SBF2: variants seen among roughly 807,000 people sequenced by gnomAD.
SBF2 encodes myotubularin-related protein 13.
A neutral mutation model predicts 225.2 loss-of-function variants in SBF2; 112 were observed. The observed-to-expected ratio is 0.50, with a 90% confidence interval of 0.43 to 0.58. The LOEUF is 0.58. Ranked by LOEUF, SBF2 falls within the 20% of genes least tolerant of loss-of-function variation. The pLI is 0.00. For missense variants in SBF2, 1,996 were observed against 2,206.2 expected (o/e 0.90, Z 1.91); for synonymous variants, 763 against 773.3 (o/e 0.99, Z 0.22).
chr11:9,861,428 C>A (rs571033377), intron 17 of SBF2, among the ~76,000 whole-genome samples: 2 of 152,294 alleles, frequency 1.3e-5, no homozygotes, highest in African/African-American at 4.8e-5. Flanking sequence ...CTTTGGGAGG[C>A]TGAGACAGGC....
chr11:10,216,460 G>A (rs1351809618), intron 1 of SBF2, among the ~76,000 whole-genome samples: 6 of 152,194 alleles, frequency 3.9e-5, no homozygotes, highest in Non-Finnish European at 5.9e-5. Flanking sequence ...CCTCTCTAAT[G>A]TAACTAGTTT....
chr11:10,266,422 C>T (rs1961994662), intron 1 of SBF2, among the ~76,000 whole-genome samples: 1 of 152,194 alleles, frequency 6.6e-6, no homozygotes, highest in Non-Finnish European at 1.5e-5. Flanking sequence ...TGCAGGACAA[C>T]AGGACCCAGG....
At chr11:9,973,797 A>G (rs1177028789) in intron 13 of SBF2, among the ~76,000 whole-genome samples, 4 of 152,210 alleles carry the variant, frequency 2.6e-5, no homozygotes, top group Admixed American at 6.5e-5. Context: ...CCAAACCCCA[A>G]TGGAAATTCA....
chr11:10,032,040 G>A (rs1252558294), intron 3 of SBF2, among the ~76,000 whole-genome samples: 6 of 152,190 alleles, frequency 3.9e-5, no homozygotes, highest in Non-Finnish European at 7.3e-5. Flanking sequence ...ATGCTTGGCT[G>A]AGAGAACATT....
chr11:10,083,749 A>G (rs887011251), intron 2 of SBF2, among the ~76,000 whole-genome samples: 1 of 152,180 alleles, frequency 6.6e-6, no homozygotes, highest in Non-Finnish European at 1.5e-5. Context: ...AGACTTAAAT[A>G]TAAGACCTGA....
intron 16 of SBF2, chr11:9,915,534 A>T (rs966942379): frequency 2.6e-5 from 4 of 151,926 alleles, no homozygotes; most frequent in Admixed American, 6.6e-5. Flanking sequence ...CCATGAAGAG[A>T]TAACATTAAT....
At chr11:9,873,762 T>C (rs2134058536) in intron 17 of SBF2, among the ~76,000 whole-genome samples, 1 of 152,268 alleles carries the variant, frequency 6.6e-6, no homozygotes, top group African/African-American at 2.4e-5. Context: ...AAAGAGCATA[T>C]TTCTGGCCGG....
rs1034405947 is a variant in SBF2, at chr11:10,269,332, T to G, written c.55+24683A>C. ...CCTTAGTCATCCTAGTGGGAAAAGA[T>G]AGGCGTGCCAGTTTGTTCCAAAAGA... On this transcript the variant is annotated intron_variant, in intron 1 of 39. Transcript: ENST00000256190. 2.0e-5 allele frequency among the ~76,000 whole-genome samples: 3 copies of G among 152,182 alleles called. No individual in the cohort carries two copies. The East Asian group carries it at 5.8e-4, about 29-fold the overall frequency.
At chr11:10,228,902 C>G (rs1176568751) in intron 1 of SBF2, among the ~76,000 whole-genome samples, 1 of 151,874 alleles carries the variant, frequency 6.6e-6, no homozygotes, top group African/African-American at 2.4e-5. Flanking sequence ...GTACCAGCTC[C>G]TCCTTGTACC....
intron 32 of SBF2, among the ~76,000 whole-genome samples, chr11:9,805,283 A>G (rs1307156471): frequency 6.6e-6 from 1 of 151,692 alleles, no homozygotes; most frequent in Non-Finnish European, 1.5e-5. Context: ...AATCATACTC[A>G]GTTGGACCCT....
intron 17 of SBF2, among the ~76,000 whole-genome samples, chr11:9,877,518 G>A (rs1859359631): frequency 6.6e-6 from 1 of 152,080 alleles, no homozygotes; most frequent in Non-Finnish European, 1.5e-5. Flanking sequence ...TTTACATCAG[G>A]TATTTCTCCT....
chr11:10,041,184 GAGA>G (rs1304673346), intron 3 of SBF2, among the ~76,000 whole-genome samples: 1 of 152,070 alleles, frequency 6.6e-6, no homozygotes, highest in African/African-American at 2.4e-5. Flanking sequence ...AAGATCAACA[GAGA>G]AACGAAAGGC....
At chr11:10,183,654 T>G (rs1315686375) in intron 2 of SBF2, among the ~76,000 whole-genome samples, 1 of 152,222 alleles carries the variant, frequency 6.6e-6, no homozygotes, top group African/African-American at 2.4e-5. Context: ...TAGCACCATT[T>G]GGGCTTATCA....
intron 2 of SBF2, among the ~76,000 whole-genome samples, chr11:10,130,723 C>T (rs1954001881): frequency 6.6e-6 from 1 of 152,138 alleles, no homozygotes; most frequent in Non-Finnish European, 1.5e-5. Flanking sequence ...CCATGACTAC[C>T]ATTAATTTCC....
At chr11:10,293,824 G>A (rs1196111080) in intron 1 of SBF2, among the ~76,000 whole-genome samples, 191 bp downstream of exon 1, 1 of 151,988 alleles carries the variant, frequency 6.6e-6, no homozygotes, top group Non-Finnish European at 1.5e-5. Context: ...TCCCCCTACC[G>A]TCGTGCCGGC....
At chr11:9,817,151 T>A in intron 28 of SBF2, 127 bp from the exon 29 acceptor site, 1 of 956,112 alleles carries the variant, frequency 1.0e-6, no homozygotes, top group Non-Finnish European at 1.7e-6. Context: ...CTAAAAACCG[T>A]AAGTCATATG....
At chr11:10,082,221 T>C (rs145578083) in intron 2 of SBF2, among the ~76,000 whole-genome samples, 3 of 152,014 alleles carry the variant, frequency 2.0e-5, no homozygotes, top group Middle Eastern at 3.2e-3. Context: ...ATTAGTGAGA[T>C]TGAACTAGTA....
chr11:10,077,786 T>C (rs1007949583), intron 2 of SBF2, among the ~76,000 whole-genome samples: 2 of 151,914 alleles, frequency 1.3e-5, no homozygotes, highest in Admixed American at 6.6e-5. Context: ...AATAGACAAA[T>C]GGGATCTAAT....
chr11:10,252,950 C>T (rs780325462), intron 1 of SBF2, among the ~76,000 whole-genome samples: 12 of 152,036 alleles, frequency 7.9e-5, no homozygotes, highest in Non-Finnish European at 1.3e-4. Context: ...TCTTCCACCA[C>T]GTGGCTGCAC....
Sources: allele counts gnomAD v4.1 joint callset (sites outside exome capture counted in the v4.1 genomes callset), GRCh38; gene constraint gnomAD v4.1.1; transcripts MANE v1.5; gene names NCBI Gene and HGNC (gene_info 2026-07-23, HGNC 2026-07-21).